Variants in PHLDB1 observed in about 807,000 individuals in gnomAD.
PHLDB1 encodes the protein pleckstrin homology-like domain family B member 1.
In PHLDB1, 65 loss-of-function variants were observed where a neutral mutation model predicts 139.3. The observed-to-expected ratio is 0.47, with a 90% CI of 0.38 to 0.57. The LOEUF is 0.57. Among genes scored for constraint, PHLDB1 ranks in the 20% least tolerant of loss-of-function variants. The pLI is 0.00. For synonymous variants in PHLDB1, 679 were observed against 734.5 expected, an observed-to-expected ratio of 0.92 and a Z score of 1.22; for missense variants, 1,624 against 1,839.7, an observed-to-expected ratio of 0.88 and a Z score of 2.14.
chr11:118,629,818 G>A (rs1944475417), intron 6 of PHLDB1, among the ~76,000 whole-genome samples: 1 of 152,090 alleles, frequency 6.6e-6, no homozygotes, highest in Non-Finnish European at 1.5e-5. Context: ...GGCAGGCACA[G>A]CCTCCCCCAA....
At position 118,610,778 on chromosome 11, in the gene PHLDB1, C is replaced by T. The variant is rs1940040556; in HGVS notation, c.-21-3038C>T. On this transcript the variant is annotated intron_variant, in intron 1 of 22. Coordinates refer to ENST00000600882, the MANE Select transcript of PHLDB1 (RefSeq NM_001144758.3). This position sits in a 1 kb window ranked among gnomAD's most constrained non-coding sequence, Gnocchi z 8.7. Reference sequence around the variant, plus strand: ...CGGAGAGGGCTTCAGACTGGTGTCCCGCGTGGCTGGGGTGTCGGCGCATTC... The same window carrying T: ...CGGAGAGGGCTTCAGACTGGTGTCCTGCGTGGCTGGGGTGTCGGCGCATTC... 6.6e-6 allele frequency among the ~76,000 whole-genome samples: 1 copy of T among 152,110 alleles called. No individual in the cohort carries two copies. Among genetic ancestry groups the T allele is most frequent in the South Asian group, 2.1e-4 (1 of 4,820 alleles).
At chr11:118,652,233 G>A (rs1555137982) in intron 20 of PHLDB1, 1 of 152,220 alleles carries the variant, frequency 6.6e-6, no homozygotes, top group African/African-American at 2.4e-5. Flanking sequence ...TGACCACCCT[G>A]GGTCTTGGGT....
intron 4 of PHLDB1, 135 bp from the exon 5 acceptor site, chr11:118,624,799 G>A (rs193233776): frequency 1.3e-5 from 10 of 787,312 alleles, no homozygotes; most frequent in African/African-American, 1.0e-4. Flanking sequence ...TAGTAGAGAC[G>A]GGACTTCACC....
intron 4 of PHLDB1, among the ~76,000 whole-genome samples, chr11:118,619,800 G>C (rs1251588340): frequency 2.0e-5 from 3 of 152,188 alleles, no homozygotes; most frequent in African/African-American, 7.2e-5. Context: ...ATGGGTGAGT[G>C]GGCTAGTGGG....
chr11:118,624,683 C>T, intron 4 of PHLDB1: 1 of 356,260 alleles, frequency 2.8e-6, no homozygotes, highest in South Asian at 2.2e-5. Context: ...CTCACTGCAA[C>T]CTCCGCTTCC....
At chr11:118,648,805 C>T (rs1263323210) in intron 18 of PHLDB1, among the ~76,000 whole-genome samples, 6 of 152,192 alleles carry the variant, frequency 3.9e-5, no homozygotes, top group Admixed American at 2.6e-4. Context: ...CAAATCCTAA[C>T]TCCCACAACC....
chr11:118,644,610 C>G, intron 15 of PHLDB1: 5 of 1,259,806 alleles, frequency 4.0e-6, no homozygotes, highest in Non-Finnish European at 5.2e-6. Flanking sequence ...CCCTCTGTGT[C>G]TCTACCGTAC....
At position 118,657,019 on chromosome 11, in the gene PHLDB1, G is replaced by T; in HGVS notation, c.*196G>T. On this transcript the variant is annotated 3_prime_UTR_variant, in exon 23 of 23. Transcript: ENST00000600882. ...GTAACCCTTTAGGGTCCTGCCCCAGGCCCAGCCAGGGCTGAGGAGCTGTCA... is the reference window on the plus strand; with the variant it reads ...GTAACCCTTTAGGGTCCTGCCCCAGTCCCAGCCAGGGCTGAGGAGCTGTCA... 1 of 508,920 alleles carries T rather than the reference G, an allele frequency of 2.0e-6. No homozygotes were observed. Among genetic ancestry groups the T allele is most frequent in the Non-Finnish European group, 3.5e-6 (1 of 285,950 alleles). 31.5% of individuals were successfully genotyped at this position (508,920 alleles called of 1,614,324 possible).
rs1460348899 is a variant in PHLDB1, at chr11:118,608,971, CCCCAGCTCACACACGAAG to C, written c.-22+1288_-22+1305del. Among the ~76,000 whole-genome samples the C allele has an allele frequency of 1.7e-3, 258 of 150,846 alleles. 1 individual carries two copies. The highest frequency in any genetic ancestry group is 5.7e-3 in the African/African-American group (232 of 41,028). ...ACACACGTACCCGTCACACATGAGG[CCCCAGCTCACACACGAAG>C]CCCAGCTCACACACGCAGCCCCAGC... On this transcript the variant is annotated intron_variant, in intron 1 of 22. Transcript: ENST00000600882. This position sits in a 1 kb window ranked among gnomAD's most constrained non-coding sequence, Gnocchi z 6.7.
Position 118,625,033 on chromosome 11 carries a change from CT to C in PHLDB1, c.456del (p.Tyr156ThrfsTer12). ...ATGATTCCAGCAGGGGGCCGAGCCC[CT>C]GGGCCCCCCTACAGCCCTGTTCCTG... ...KSMIPAGGRA[P>X]GPPYSPVPAE... is the part of the protein sequence containing the mutation. On this transcript the variant is annotated frameshift_variant, in exon 5 of 23. Coordinates refer to ENST00000600882, the MANE Select transcript of PHLDB1 (RefSeq NM_001144758.3). LOFTEE classifies it high-confidence loss of function. The C allele has an allele frequency of 1.2e-6, 2 of 1,612,272 alleles. No individual in the cohort carries two copies. The highest frequency in any genetic ancestry group is 8.5e-7 in the Non-Finnish European group (1 of 1,178,960).
intron 1 of PHLDB1, among the ~76,000 whole-genome samples, chr11:118,609,734 C>G (rs1939804876): frequency 6.6e-6 from 1 of 152,240 alleles, no homozygotes. Flanking sequence ...GGCGGGCGGG[C>G]AGGCGGCAGC....
Position 118,609,315 on chromosome 11 carries a change from TACAC to T in PHLDB1, c.-22+1622_-22+1625del, listed in dbSNP as rs1328667637. On this transcript the variant is annotated intron_variant, in intron 1 of 22. Transcript: ENST00000600882. ...CCCCAGTTACACACACAGCCCAGCT[TACAC>T]ACACAGCCCAGCTCACACACACAGC... Among the ~76,000 whole-genome samples, 3 of 23,104 alleles carry T rather than the reference TACAC, an allele frequency of 1.3e-4. No homozygotes were observed. The South Asian group carries it at 5.2e-3, about 40-fold the overall frequency. The allele number at this position is 23,104 out of a possible 152,430, so 15.2% of individuals were successfully genotyped here. A position where few individuals can be genotyped will look rare whatever the true frequency, so the allele number is the denominator to read the frequency against.
intron 10 of PHLDB1, 117 bp from the exon 11 acceptor site, chr11:118,638,774 A>C (rs1946047737): frequency 1.4e-6 from 1 of 731,924 alleles, no homozygotes; most frequent in South Asian, 1.9e-5. Flanking sequence ...CAAGCAGAAG[A>C]GCTGGTTGAT....
intron 7 of PHLDB1, 111 bp from the exon 8 acceptor site, chr11:118,631,802 C>A: frequency 7.9e-7 from 1 of 1,271,156 alleles, no homozygotes; most frequent in Non-Finnish European, 1.1e-6. Context: ...AGCCTCCTGT[C>A]TCAGTCCAGC....
chr11:118,655,930 ACCT>A, intron 22 of PHLDB1, 38 bp downstream of exon 22: 2 of 1,466,740 alleles, frequency 1.4e-6, no homozygotes, highest in South Asian at 2.3e-5. Context: ...GCACATTAAC[ACCT>A]CCTGTACCCC....
chr11:118,634,747 C>T, intron 9 of PHLDB1: 1 of 245,090 alleles, frequency 4.1e-6, no homozygotes, highest in Non-Finnish European at 8.5e-6. Context: ...GGTTATTCTC[C>T]TCTTTGATTC....
intron 1 of PHLDB1, among the ~76,000 whole-genome samples, chr11:118,609,348 TCA>T (rs1221041499): frequency 1.9e-5 from 2 of 107,508 alleles, no homozygotes; most frequent in African/African-American, 7.8e-5. Context: ...ACACAGCCCA[TCA>T]CACACACAGC....
In PHLDB1 at chr11:118,627,828, T is replaced by G. The variant is rs1555104252; in HGVS notation, c.1005T>G (p.Pro335=). 1 of 1,606,290 alleles carries G rather than the reference T, an allele frequency of 6.2e-7. No individual in the cohort carries two copies. The highest frequency in any genetic ancestry group is 1.7e-5 in the Admixed American group (1 of 59,912). The change falls in exon 6 of 23, where the codon CCT becomes CCG. Residue 335 remains proline (P), a synonymous_variant. Coordinates refer to ENST00000600882, the MANE Select transcript of PHLDB1 (RefSeq NM_001144758.3). ...TCCGGGGTCTGCTGACAGACAGCCC[T>G]GCAGCTACTGTCTTGGCGGAGGCCC... ...PGLRGLLTDS[P]AATVLAEARR...
At chr11:118,623,020 C>G (rs1433571510) in intron 4 of PHLDB1, among the ~76,000 whole-genome samples, 1 of 152,158 alleles carries the variant, frequency 6.6e-6, no homozygotes, top group Non-Finnish European at 1.5e-5. Context: ...AACCCCCAAC[C>G]CAAGCAATGC....
Sources: allele counts gnomAD v4.1 joint callset (sites outside exome capture counted in the v4.1 genomes callset), GRCh38; gene constraint gnomAD v4.1.1; non-coding constraint Gnocchi (gnomAD v3.1); transcripts MANE v1.5; gene names NCBI Gene and HGNC (gene_info 2026-07-23, HGNC 2026-07-21).